Variants in LINGO2 observed in about 807,000 individuals in gnomAD.
LINGO2 encodes leucine-rich repeat and immunoglobulin-like domain-containing nogo receptor-interacting protein 2.
In LINGO2, 14 loss-of-function variants were observed where a neutral mutation model predicts 30.6. The ratio of observed to expected loss-of-function variants is 0.46; its 90% CI spans 0.30 to 0.72. LINGO2 has a LOEUF of 0.72. LINGO2 is among the 30% of genes least tolerant of loss of function. The pLI, the probability that LINGO2 is intolerant of heterozygous loss-of-function variation, is 0.07. For missense variants in LINGO2, 729 were observed against 751.7 expected (o/e 0.97, Z 0.35); for synonymous variants, 317 against 288.5 (o/e 1.10, Z -1.00).
At chr9:28,942,087 G>T in the LINGO2 span, among the ~76,000 whole-genome samples, 1 of 152,096 alleles carries the variant, frequency 6.6e-6, no homozygotes, top group African/African-American at 2.4e-5. Flanking sequence ...ACCCTGGGAA[G>T]TAAGGACAAG....
chr9:28,770,452 G>A, the LINGO2 span, among the ~76,000 whole-genome samples: 1 of 152,104 alleles, frequency 6.6e-6, no homozygotes, highest in African/African-American at 2.4e-5. Context: ...CTTGTACTCT[G>A]CTGTAAATGT....
chr9:28,089,168 T>C (rs971089701), intron 4 of LINGO2, among the ~76,000 whole-genome samples: 35 of 152,054 alleles, frequency 2.3e-4, no homozygotes, highest in African/African-American at 8.4e-4. Flanking sequence ...AGACAGAAAG[T>C]TAACAAGGAT....
the LINGO2 span, among the ~76,000 whole-genome samples, chr9:28,918,655 G>C: frequency 6.6e-6 from 1 of 152,126 alleles, no homozygotes; most frequent in African/African-American, 2.4e-5. Context: ...TATTAAAATG[G>C]AAACATCAGT....
At chr9:28,820,300 C>T in the LINGO2 span, among the ~76,000 whole-genome samples, 1 of 150,068 alleles carries the variant, frequency 6.7e-6, no homozygotes, top group East Asian at 1.9e-4. Flanking sequence ...ACGTGTGTCA[C>T]CCACTGAGCA....
chr9:28,301,414 A>G (rs1824138508), intron 3 of LINGO2, among the ~76,000 whole-genome samples: 1 of 151,922 alleles, frequency 6.6e-6, no homozygotes, highest in African/African-American at 2.4e-5. Flanking sequence ...AATCCTTTCT[A>G]GTGGGGAAAA....
At chr9:28,504,690 A>C (rs1820034384) in intron 1 of LINGO2, among the ~76,000 whole-genome samples, 1 of 151,666 alleles carries the variant, frequency 6.6e-6, no homozygotes, top group Admixed American at 6.6e-5. Flanking sequence ...GATATATTAA[A>C]ATTTTAATAT....
At chr9:29,011,301 C>T in the LINGO2 span, among the ~76,000 whole-genome samples, 6 of 152,092 alleles carry the variant, frequency 3.9e-5, no homozygotes, top group Non-Finnish European at 8.8e-5. Flanking sequence ...GAGTGAATAC[C>T]TTCTTCAGTA....
intron 4 of LINGO2, among the ~76,000 whole-genome samples, chr9:28,121,236 G>A (rs898927633): frequency 6.6e-6 from 1 of 151,774 alleles, no homozygotes; most frequent in Non-Finnish European, 1.5e-5. Context: ...CAGTGCAGAG[G>A]TTTTTTTTAC....
chr9:28,128,646 C>G (rs1472161711), intron 4 of LINGO2, among the ~76,000 whole-genome samples: 1 of 152,140 alleles, frequency 6.6e-6, no homozygotes, highest in Non-Finnish European at 1.5e-5. Flanking sequence ...CCAAGGCTGA[C>G]CACTGGTCTT....
At chr9:28,027,654 T>C (rs549868300) in intron 4 of LINGO2, among the ~76,000 whole-genome samples, 60 of 145,450 alleles carry the variant, frequency 4.1e-4, no homozygotes, top group Admixed American at 1.7e-3. Flanking sequence ...TCCGTTTCTT[T>C]AAAATGGGGA....
At chr9:28,520,290 T>C (rs572231420) in intron 1 of LINGO2, among the ~76,000 whole-genome samples, 1 of 152,260 alleles carries the variant, frequency 6.6e-6, no homozygotes, top group East Asian at 1.9e-4. Flanking sequence ...TATGACGATG[T>C]AGGTTTTTAA....
chr9:29,194,329 T>C, the LINGO2 span, among the ~76,000 whole-genome samples: 1 of 152,154 alleles, frequency 6.6e-6, no homozygotes, highest in Non-Finnish European at 1.5e-5. Flanking sequence ...GGCTGTCCCC[T>C]ATTGCTACCA....
chr9:28,717,220 A>C, the LINGO2 span, among the ~76,000 whole-genome samples: 1 of 151,896 alleles, frequency 6.6e-6, no homozygotes, highest in African/African-American at 2.4e-5. Context: ...GGAGTCATTC[A>C]TATTGGAGGA....
intron 1 of LINGO2, among the ~76,000 whole-genome samples, chr9:28,500,423 G>T (rs1819838019): frequency 6.6e-6 from 1 of 152,052 alleles, no homozygotes; most frequent in Non-Finnish European, 1.5e-5. Context: ...AATTCTCAAA[G>T]ATTAAAGGTA....
At chr9:29,103,505 C>T in the LINGO2 span, among the ~76,000 whole-genome samples, 1 of 151,852 alleles carries the variant, frequency 6.6e-6, no homozygotes, top group Non-Finnish European at 1.5e-5. Context: ...CATAATTTTA[C>T]ATTTAAGATT....
chr9:28,206,001 C>A (rs1430489558), intron 4 of LINGO2, among the ~76,000 whole-genome samples: 1 of 151,740 alleles, frequency 6.6e-6, no homozygotes, highest in East Asian at 1.9e-4. Context: ...CCTGTCTCTA[C>A]TAAAAATACA....
the LINGO2 span, among the ~76,000 whole-genome samples, chr9:28,927,797 G>A: frequency 1.3e-5 from 2 of 152,178 alleles, no homozygotes; most frequent in African/African-American, 4.8e-5. Context: ...AACTCTATGA[G>A]GCCAGTGCTC....
chr9:28,555,140 T>C, intron 1 of LINGO2, among the ~76,000 whole-genome samples: 1 of 128,342 alleles, frequency 7.8e-6, no homozygotes, highest in African/African-American at 3.4e-5. Context: ...AAGAAATAAC[T>C]AAAATCAGAG....
At chr9:28,193,563 A>G (rs1014712728) in intron 4 of LINGO2, among the ~76,000 whole-genome samples, 6 of 152,188 alleles carry the variant, frequency 3.9e-5, no homozygotes, top group South Asian at 2.1e-4. Flanking sequence ...ATATAAAGCT[A>G]TTGATAGAAA....
Sources: gnomAD v4.1 joint callset for allele counts (sites outside exome capture counted in the v4.1 genomes callset) on GRCh38, gnomAD v4.1.1 for gene constraint, MANE v1.5 for transcripts, NCBI Gene and HGNC (gene_info 2026-07-23, HGNC 2026-07-21) for gene names.